PCGF3: variants seen among roughly 807,000 people sequenced by gnomAD.
PCGF3 encodes the protein polycomb group ring finger 3, also known as polycomb group RING finger protein 3.
Under a neutral mutation model 33.1 loss-of-function variants are expected in PCGF3, and 7 were observed. That is an observed-to-expected ratio of 0.21 (90% confidence interval 0.12 to 0.40). The LOEUF is 0.40. Ranked by LOEUF, PCGF3 falls within the 10% of genes least tolerant of loss-of-function variation. The probability of loss-of-function intolerance (pLI) is 1.00; values close to 1 mark genes in which losing one functional copy is unlikely to be tolerated. For synonymous variants in PCGF3, 153 were observed against 121.3 expected, an observed-to-expected ratio of 1.26 and a Z score of -1.72; for missense variants, 211 against 313.3, an observed-to-expected ratio of 0.67 and a Z score of 2.46.
At chr4:715,179 ACCC>A (rs1742757629) in intron 1 of PCGF3, among the ~76,000 whole-genome samples, 1 of 136,518 alleles carries the variant, frequency 7.3e-6, no homozygotes, top group Non-Finnish European at 1.6e-5. Flanking sequence ...CGGTGCTGGG[ACCC>A]TGTAGACACT....
chr4:744,142 C>T (rs780265135), intron 7 of PCGF3, among the ~76,000 whole-genome samples: 17 of 152,292 alleles, frequency 1.1e-4, no homozygotes, highest in African/African-American at 3.4e-4. Context: ...AGCCATGAGG[C>T]GTGGTTAGGA....
chr4:767,722 CTCTT>C (rs1383729359), exon 11 of PCGF3: 3 of 152,568 alleles, frequency 2.0e-5, no homozygotes, highest in Admixed American at 6.5e-5. Context: ...CAAAATTCAT[CTCTT>C]TCTTTAAGCC....
chr4:764,911 C>T, intron 9 of PCGF3, 73 bp from the exon 10 acceptor site: 1 of 993,124 alleles, frequency 1.0e-6, no homozygotes, highest in South Asian at 1.3e-5. Flanking sequence ...AGATTTCATA[C>T]CAGCATCAAG....
At chr4:763,876 A>G (rs763126380) in intron 9 of PCGF3, among the ~76,000 whole-genome samples, 8 of 152,216 alleles carry the variant, frequency 5.3e-5, no homozygotes, top group Non-Finnish European at 1.0e-4. Flanking sequence ...CCAGTACTGA[A>G]AAGAAATGAG....
At chr4:709,300 AGAGT>A in intron 1 of PCGF3, among the ~76,000 whole-genome samples, 1 of 150,454 alleles carries the variant, frequency 6.6e-6, no homozygotes, top group South Asian at 2.1e-4. Context: ...ATGAAAGGCA[AGAGT>A]GAATGATGCA....
rs60379362 is a variant in PCGF3, at chr4:738,745, G to C, written c.262+1224G>C. On this transcript the variant is annotated intron_variant, in intron 6 of 10. Transcript: ENST00000362003. Reference sequence around the variant, plus strand: ...GTGGTGTCAGGTGCCTGTAATCCCAGCTACTCAGCAGGCTGAGGCAGGAGA... The same window carrying C: ...GTGGTGTCAGGTGCCTGTAATCCCACCTACTCAGCAGGCTGAGGCAGGAGA... Among the ~76,000 whole-genome samples the C allele has an allele frequency of 2.6e-5, 4 of 151,820 alleles. No homozygotes were observed. The South Asian group carries it at 8.3e-4, about 32-fold the overall frequency.
chr4:753,882 G>A (rs1174501258), intron 8 of PCGF3, among the ~76,000 whole-genome samples: 1 of 152,204 alleles, frequency 6.6e-6, no homozygotes, highest in African/African-American at 2.4e-5. Context: ...GCAGTGAGCT[G>A]AGATCGAGGC....
chr4:757,878 T>C (rs961175494), intron 8 of PCGF3: 2 of 152,140 alleles, frequency 1.3e-5, no homozygotes, highest in African/African-American at 2.4e-5. Context: ...TTTTTAGAAA[T>C]CCAAAGTTGG....
At position 706,226 on chromosome 4, in the gene PCGF3, G is replaced by A. The variant is rs557227120; in HGVS notation, c.-190+256G>A. Among the ~76,000 whole-genome samples, 347 of 151,536 alleles carry A rather than the reference G, an allele frequency of 2.3e-3. 1 individual carries two copies. Among genetic ancestry groups the A allele is most frequent in the African/African-American group, 8.1e-3 (334 of 41,288 alleles). ...GCCCAGCCCAGGCAGGACCCCGGGAGGGCTGGGACTCCAGCCTAGGCAGGA... is the reference window on the plus strand; with the variant it reads ...GCCCAGCCCAGGCAGGACCCCGGGAAGGCTGGGACTCCAGCCTAGGCAGGA... On this transcript the variant is annotated intron_variant, in intron 1 of 10. Coordinates refer to ENST00000362003, the Ensembl canonical transcript of PCGF3.
At chr4:726,008 GC>G (rs1560201131) in intron 1 of PCGF3, among the ~76,000 whole-genome samples, 2 of 152,128 alleles carry the variant, frequency 1.3e-5, no homozygotes, top group South Asian at 2.1e-4. Flanking sequence ...GTTAGGATCG[GC>G]CCCGTCCACC....
At chr4:757,815 A>G (rs1744837107) in intron 8 of PCGF3, 1 of 152,176 alleles carries the variant, frequency 6.6e-6, no homozygotes, top group African/African-American at 2.4e-5. Context: ...TTTGCAAGGT[A>G]TAAGCTCTAC....
chr4:766,846 G>C (rs1745400238), exon 11 of PCGF3: 1 of 152,246 alleles, frequency 6.6e-6, no homozygotes, highest in Admixed American at 6.5e-5. Flanking sequence ...CCAGCTCAGT[G>C]CTGGTTTACG....
At chr4:761,860 GC>G (rs1254135525) in intron 9 of PCGF3, 1 of 985,300 alleles carries the variant, frequency 1.0e-6, no homozygotes, top group Non-Finnish European at 1.2e-6. Context: ...GTCCCTGTGA[GC>G]CCCCAAGGCA....
chr4:755,135 C>T (rs986893610), intron 8 of PCGF3, among the ~76,000 whole-genome samples: 1 of 152,234 alleles, frequency 6.6e-6, no homozygotes, highest in Admixed American at 6.5e-5. Flanking sequence ...CGCGTGGTGT[C>T]GCAGAGCACA....
chr4:711,704 G>T (rs544351649), intron 1 of PCGF3, among the ~76,000 whole-genome samples: 1 of 151,742 alleles, frequency 6.6e-6, no homozygotes, highest in African/African-American at 2.4e-5. Flanking sequence ...TGATCCACCC[G>T]CCTCGGCCTC....
intron 1 of PCGF3, among the ~76,000 whole-genome samples, chr4:710,896 A>G (rs1430005042): frequency 1.3e-5 from 2 of 152,256 alleles, no homozygotes; most frequent in Non-Finnish European, 2.9e-5. Flanking sequence ...ACTTCTGTTA[A>G]GTTTTCCTAA....
At chr4:733,922 G>C in intron 4 of PCGF3, 133 bp downstream of exon 4, 1 of 1,566,478 alleles carries the variant, frequency 6.4e-7, no homozygotes, top group Non-Finnish European at 8.7e-7. Context: ...ACCAGGGGCA[G>C]AGACGATCTT....
chr4:731,655 C>T (rs1165389003), intron 3 of PCGF3, among the ~76,000 whole-genome samples: 1 of 60,536 alleles, frequency 1.7e-5, no homozygotes, highest in Non-Finnish European at 3.6e-5. Flanking sequence ...GGGGCTCCCC[C>T]GCCCCTCGTG....
intron 1 of PCGF3, among the ~76,000 whole-genome samples, chr4:709,058 C>G (rs772518862): frequency 1.3e-5 from 2 of 152,164 alleles, no homozygotes; most frequent in African/African-American, 2.4e-5. Context: ...CAGAAGCGAG[C>G]GGTCTATGCT....
Sources: gnomAD v4.1 joint callset for allele counts (sites outside exome capture counted in the v4.1 genomes callset) on GRCh38, gnomAD v4.1.1 for gene constraint, MANE v1.5 for transcripts, NCBI Gene and HGNC (gene_info 2026-07-23, HGNC 2026-07-21) for gene names.